Variants in PLCH1 observed in about 807,000 individuals in gnomAD.
PLCH1 encodes 1-phosphatidylinositol 4,5-bisphosphate phosphodiesterase eta-1.
In PLCH1, 60 loss-of-function variants were observed where a neutral mutation model predicts 126.7. The ratio of observed to expected loss-of-function variants is 0.47; its 90% CI spans 0.38 to 0.59. PLCH1 has a LOEUF of 0.59. Ranked by LOEUF, PLCH1 falls within the 20% of genes least tolerant of loss-of-function variation. PLCH1 has a pLI of 0.00. For synonymous variants in PLCH1, 719 were observed against 734.9 expected (o/e 0.98, Z 0.35); for missense variants, 1,723 against 2,040.0 (o/e 0.84, Z 2.99).
intron 2 of PLCH1, among the ~76,000 whole-genome samples, chr3:155,639,067 C>G (rs889086403): frequency 2.0e-5 from 3 of 151,996 alleles, no homozygotes; most frequent in Non-Finnish European, 1.5e-5. Context: ...GTGTAGATAA[C>G]TAGTAAATAT....
At chr3:155,601,259 G>A (rs907511808) in intron 2 of PLCH1, among the ~76,000 whole-genome samples, 2 of 152,174 alleles carry the variant, frequency 1.3e-5, no homozygotes, top group Admixed American at 6.6e-5. Context: ...TTACAGGCGT[G>A]AGCCACCGCA....
intron 2 of PLCH1, among the ~76,000 whole-genome samples, chr3:155,639,942 G>T (rs956009050): frequency 2.0e-5 from 3 of 152,096 alleles, no homozygotes; most frequent in Non-Finnish European, 4.4e-5. Flanking sequence ...TCCTGCTCCA[G>T]CCATGTAAGA....
At chr3:155,598,657 G>A (rs1043074740) in intron 2 of PLCH1, among the ~76,000 whole-genome samples, 10 of 152,156 alleles carry the variant, frequency 6.6e-5, no homozygotes, top group Non-Finnish European at 1.5e-4. Context: ...TCTGTTTCCA[G>A]CTTGGGGTAG....
At chr3:155,483,298 C>A in intron 22 of PLCH1, 1 of 1,272,156 alleles carries the variant, frequency 7.9e-7, no homozygotes, top group South Asian at 1.4e-5. Context: ...ATGTAATATT[C>A]ATTGTCAAAA....
chr3:155,694,316 T>C (rs1041975407), intron 2 of PLCH1, among the ~76,000 whole-genome samples: 1 of 152,134 alleles, frequency 6.6e-6, no homozygotes, highest in African/African-American at 2.4e-5. Flanking sequence ...ACCCAGGAAA[T>C]AGTTTGGTTT....
intron 9 of PLCH1, among the ~76,000 whole-genome samples, chr3:155,552,810 G>A (rs1179547091): frequency 6.6e-6 from 1 of 152,150 alleles, no homozygotes; most frequent in Non-Finnish European, 1.5e-5. Context: ...CCAGTGTTGA[G>A]GATGAACCAA....
At chr3:155,490,534 C>T (rs1043350487) in intron 19 of PLCH1, among the ~76,000 whole-genome samples, 1 of 152,094 alleles carries the variant, frequency 6.6e-6, no homozygotes, top group African/African-American at 2.4e-5. Context: ...ATCATTTACT[C>T]TTTTTACTAG....
chr3:155,500,662 C>A, intron 14 of PLCH1, 41 bp downstream of exon 14: 1 of 1,170,378 alleles, frequency 8.5e-7, no homozygotes, highest in Non-Finnish European at 1.3e-6. Flanking sequence ...GATGGAGGGG[C>A]CTCAGGAGTG....
intron 10 of PLCH1, among the ~76,000 whole-genome samples, chr3:155,537,186 CAAAAAAAAAAAAAACCAAAAAAAAAAAA>C (rs779537354): frequency 1.1e-4 from 4 of 37,276 alleles, no homozygotes; most frequent in South Asian, 8.5e-4. Flanking sequence ...GCTAGCACTA[CAAAAAAAAAAAAAACCAAAAAAAAAAAA>C]AAAAAAAAAA....
At chr3:155,708,847 C>T (rs1746881206) in intron 1 of PLCH1, among the ~76,000 whole-genome samples, 1 of 152,160 alleles carries the variant, frequency 6.6e-6, no homozygotes, top group South Asian at 2.1e-4. Flanking sequence ...ATAGAACCTG[C>T]AGATTTACGC....
At chr3:155,513,243 T>C (rs1479460141) in intron 12 of PLCH1, among the ~76,000 whole-genome samples, 2 of 152,178 alleles carry the variant, frequency 1.3e-5, no homozygotes, top group African/African-American at 4.8e-5. Context: ...AAACCATATT[T>C]TTAAAACATA....
chr3:155,506,364 T>A (rs991569493), intron 12 of PLCH1, among the ~76,000 whole-genome samples: 33 of 136,232 alleles, frequency 2.4e-4, no homozygotes, highest in South Asian at 1.8e-3. Flanking sequence ...TTTTTTTTTT[T>A]ATTATACTTT....
At position 155,537,215 on chromosome 3, in the gene PLCH1, A is replaced by C. The variant is rs1334402358; in HGVS notation, c.1362+12572T>G. Among the ~76,000 whole-genome samples the C allele has an allele frequency of 7.0e-3, 64 of 9,138 alleles. No individual in the cohort carries two copies. The Non-Finnish European group carries it at 0.075, about 11-fold the overall frequency. 6.0% of individuals were successfully genotyped at this position (9,138 alleles called of 152,430 possible). A position where few individuals can be genotyped will look rare whatever the true frequency, so the allele number is the denominator to read the frequency against. ...AAAAAAAAAAACCAAAAAAAAAAAA[A>C]AAAAAAAAAAAAAAAAAACCTAAAA... On this transcript the variant is annotated intron_variant, in intron 10 of 22. Transcript: ENST00000460012.
At chr3:155,503,307 T>G (rs67476117) in intron 13 of PLCH1, among the ~76,000 whole-genome samples, 1 of 152,002 alleles carries the variant, frequency 6.6e-6, no homozygotes, top group African/African-American at 2.4e-5. Flanking sequence ...AATTTAATAT[T>G]GATGGAATAA....
chr3:155,505,687 T>C (rs1483620591), intron 12 of PLCH1, among the ~76,000 whole-genome samples: 1 of 152,120 alleles, frequency 6.6e-6, no homozygotes, highest in East Asian at 1.9e-4. Flanking sequence ...TACAAGGTGA[T>C]TGATGTTAGG....
At chr3:155,490,019 G>A (rs957068344) in intron 19 of PLCH1, among the ~76,000 whole-genome samples, 1 of 152,174 alleles carries the variant, frequency 6.6e-6, no homozygotes, top group Non-Finnish European at 1.5e-5. Flanking sequence ...TGCAATTTGA[G>A]AAGGTTTCTT....
intron 11 of PLCH1, 59 bp downstream of exon 11, chr3:155,523,838 G>A (rs898166499): frequency 2.1e-6 from 2 of 961,324 alleles, no homozygotes; most frequent in East Asian, 2.5e-5. Context: ...TAGCAACTTG[G>A]AACTCCATTT....
intron 18 of PLCH1, 39 bp downstream of exon 18, chr3:155,492,690 A>T: frequency 3.3e-6 from 5 of 1,497,806 alleles, no homozygotes. Context: ...AGATAATCAC[A>T]TAATTAACCA....
chr3:155,659,299 CTTCTTTTTTTTTTTTTT>C (rs1188615786), intron 2 of PLCH1, among the ~76,000 whole-genome samples: 1,493 of 55,452 alleles, frequency 0.027, 83 homozygotes, highest in African/African-American at 0.074. Context: ...TGTCTATTCA[CTTCTTTTTTTTTTTTTT>C]TTTTTTTTTT....
Sources: gnomAD v4.1 joint callset for allele counts (sites outside exome capture counted in the v4.1 genomes callset) on GRCh38, gnomAD v4.1.1 for gene constraint, MANE v1.5 for transcripts, NCBI Gene and HGNC (gene_info 2026-07-23, HGNC 2026-07-21) for gene names.